The following FRMD3 variants were observed in gnomAD, a reference collection of about 807,000 sequenced individuals.
The protein encoded by FRMD3 is FERM domain containing 3.
In FRMD3, 33 loss-of-function variants were observed where a neutral mutation model predicts 70.2. The ratio of observed to expected loss-of-function variants is 0.47; its 90% CI spans 0.36 to 0.63. FRMD3 has a LOEUF of 0.63. FRMD3 is among the 20% of genes least tolerant of loss of function. FRMD3 has a pLI of 0.00. For synonymous variants in FRMD3, 279 were observed against 255.9 expected, an observed-to-expected ratio of 1.09 and a Z score of -0.86; for missense variants, 632 against 711.4, an observed-to-expected ratio of 0.89 and a Z score of 1.27.
At chr9:83,438,346 C>T (rs963493999) in intron 1 of FRMD3, among the ~76,000 whole-genome samples, 1 of 152,148 alleles carries the variant, frequency 6.6e-6, no homozygotes, top group Non-Finnish European at 1.5e-5. Context: ...GGTCTCGACA[C>T]GGTATTTAGG....
chr9:83,539,633 A>G (rs1829974504), upstream of FRMD3, among the ~76,000 whole-genome samples: 3 of 152,086 alleles, frequency 2.0e-5, no homozygotes, highest in Non-Finnish European at 1.5e-5. Flanking sequence ...CTGGTGGGCC[A>G]TATATTCTCT....
intron 1 of FRMD3, among the ~76,000 whole-genome samples, chr9:83,429,937 G>C (rs1331758481): frequency 6.6e-6 from 1 of 152,086 alleles, no homozygotes; most frequent in African/African-American, 2.4e-5. Flanking sequence ...GCCAACCCCA[G>C]ATCACAGAGA....
In FRMD3 at chr9:83,299,281, G is replaced by A. The variant is rs1371477997; in HGVS notation, c.927-95C>T. 7.0e-6 allele frequency: 5 copies of A among 712,420 alleles called. No individual in the cohort carries two copies. The African/African-American group carries it at 9.0e-5, about 13-fold the overall frequency. 44.1% of individuals were successfully genotyped at this position (712,420 alleles called of 1,614,324 possible). Reference sequence around the variant, plus strand: ...TGGTGATGGGGTATTTTTACTGCAAGAAAGAAATGTAATTTACCTTGTGAC... The same window carrying A: ...TGGTGATGGGGTATTTTTACTGCAAAAAAGAAATGTAATTTACCTTGTGAC... On this transcript the variant is annotated intron_variant, in intron 10 of 13. Transcript: ENST00000304195.
At chr9:83,548,285 CA>C in the FRMD3 span, among the ~76,000 whole-genome samples, 1 of 152,152 alleles carries the variant, frequency 6.6e-6, no homozygotes, top group African/African-American at 2.4e-5. Flanking sequence ...ACATTTATAG[CA>C]GATTTATTCA....
intron 10 of FRMD3, among the ~76,000 whole-genome samples, chr9:83,299,692 G>A (rs563460142): frequency 1.0e-3 from 157 of 152,296 alleles, no homozygotes; most frequent in Middle Eastern, 3.4e-3. Context: ...CCCAAGTGAG[G>A]GAACAAGGGT....
In FRMD3 at chr9:83,537,601, G is replaced by C. The variant is rs545520058; in HGVS notation, c.147+484C>G. On this transcript the variant is annotated intron_variant, in intron 1 of 13. Transcript: ENST00000304195. This position sits in a 1 kb window ranked among gnomAD's most constrained non-coding sequence, Gnocchi z 4.1. ...GGGACCGACACGGAGCGGAAAGCAG[G>C]TTCCGGGACTGAGGGCGTCTCCGGA... is the stretch of plus-strand genomic sequence containing the variant. 1.2e-3 allele frequency among the ~76,000 whole-genome samples: 189 copies of C among 152,342 alleles called. 1 individual carries two copies. Among genetic ancestry groups the C allele is most frequent in the African/African-American group, 4.3e-3 (178 of 41,588 alleles).
chr9:83,368,785 AG>A (rs1453790619), intron 3 of FRMD3, among the ~76,000 whole-genome samples: 1 of 152,350 alleles, frequency 6.6e-6, no homozygotes, highest in Admixed American at 6.5e-5. Context: ...AATGGCTAAA[AG>A]CTCCTTGACT....
chr9:83,557,945 T>C, the FRMD3 span, among the ~76,000 whole-genome samples: 1 of 152,222 alleles, frequency 6.6e-6, no homozygotes, highest in African/African-American at 2.4e-5. Flanking sequence ...AAATTGCACA[T>C]TGAATGATGA....
intron 1 of FRMD3, among the ~76,000 whole-genome samples, chr9:83,455,856 T>C (rs6559726): frequency 0.76 from 116,187 of 152,148 alleles, 44,788 homozygotes; most frequent in African/African-American, 0.88. Flanking sequence ...AGACAGCAGA[T>C]AGAGTTCACA....
At chr9:83,553,058 G>C in the FRMD3 span, among the ~76,000 whole-genome samples, 1 of 152,104 alleles carries the variant, frequency 6.6e-6, no homozygotes, top group Non-Finnish European at 1.5e-5. Context: ...TGGCTTGTTA[G>C]TGTGGCTACT....
chr9:83,388,662 T>C (rs1223408883), intron 2 of FRMD3, among the ~76,000 whole-genome samples: 2 of 152,126 alleles, frequency 1.3e-5, no homozygotes, highest in African/African-American at 4.8e-5. Context: ...CACCAACAGA[T>C]ACCAAAAAGG....
chr9:83,528,277 T>A (rs1829724616), intron 1 of FRMD3, among the ~76,000 whole-genome samples: 1 of 145,230 alleles, frequency 6.9e-6, no homozygotes, highest in East Asian at 1.9e-4. Flanking sequence ...CTACTCTTAA[T>A]ATTTTGAATA....
chr9:83,523,153 AGGATGGATGGAT>A (rs144992070), intron 1 of FRMD3, among the ~76,000 whole-genome samples: 14 of 149,584 alleles, frequency 9.4e-5, no homozygotes, highest in South Asian at 2.1e-4. Context: ...GAATGGATGG[AGGATGGATGGAT>A]GGATGGATGG....
At chr9:83,449,063 G>T (rs749258228) in intron 1 of FRMD3, among the ~76,000 whole-genome samples, 2 of 152,162 alleles carry the variant, frequency 1.3e-5, no homozygotes, top group African/African-American at 2.4e-5. Context: ...AAGCAAAACA[G>T]CATTCACGGA....
chr9:83,264,689 A>C (rs963849929), intron 13 of FRMD3, among the ~76,000 whole-genome samples: 2 of 152,220 alleles, frequency 1.3e-5, no homozygotes, highest in African/African-American at 4.8e-5. Flanking sequence ...CTGATATTAA[A>C]ACTATACTGT....
At chr9:83,475,392 G>A (rs1828371737) in intron 1 of FRMD3, among the ~76,000 whole-genome samples, 1 of 152,074 alleles carries the variant, frequency 6.6e-6, no homozygotes, top group African/African-American at 2.4e-5. Flanking sequence ...AGACCCAGCT[G>A]AAGAGAGAAT....
chr9:83,385,534 A>C (rs964334834), intron 2 of FRMD3, among the ~76,000 whole-genome samples: 1 of 152,176 alleles, frequency 6.6e-6, no homozygotes, highest in Admixed American at 6.6e-5. Flanking sequence ...TGCCAAACAT[A>C]TGGTGTTCCA....
intron 1 of FRMD3, among the ~76,000 whole-genome samples, chr9:83,523,070 ATTAT>A (rs1829611876): frequency 6.6e-6 from 1 of 152,262 alleles, no homozygotes; most frequent in African/African-American, 2.4e-5. Context: ...AGGATTAATT[ATTAT>A]TTGTCTTTTT....
upstream of FRMD3, chr9:83,538,482 G>A (rs961451695): frequency 3.0e-6 from 1 of 332,190 alleles, no homozygotes; most frequent in Non-Finnish European, 5.5e-6. The surrounding 1 kb of genome is among the most constrained non-coding windows in gnomAD (Gnocchi z 4.7). Context: ...GCGCTCGTGC[G>A]CCTCCCTCTG....
Sources: gnomAD v4.1 joint callset for allele counts (sites outside exome capture counted in the v4.1 genomes callset) on GRCh38, gnomAD v4.1.1 for gene constraint, Gnocchi (gnomAD v3.1) non-coding constraint, MANE v1.5 for transcripts, NCBI Gene and HGNC (gene_info 2026-07-23, HGNC 2026-07-21) for gene names.